The following INPP4B variants were observed in gnomAD, a reference collection of about 807,000 sequenced individuals.
The protein encoded by INPP4B is inositol polyphosphate-4-phosphatase type II B.
In INPP4B, 55 loss-of-function variants were observed where a neutral mutation model predicts 122.5. The observed-to-expected ratio is 0.45, with a 90% CI of 0.36 to 0.56. The LOEUF (loss-of-function observed/expected upper bound fraction) is 0.56, where lower values mean the gene tolerates loss of function less well. Among genes scored for constraint, INPP4B ranks in the 20% least tolerant of loss-of-function variants. The probability of loss-of-function intolerance (pLI) is 0.00; values close to 1 mark genes in which losing one functional copy is unlikely to be tolerated. For synonymous variants in INPP4B, 403 were observed against 388.7 expected (o/e 1.04, Z -0.43); for missense variants, 1,000 against 1,097.7 (o/e 0.91, Z 1.26).
intron 2 of INPP4B, among the ~76,000 whole-genome samples, chr4:142,635,938 A>G (rs2197216): frequency 0.52 from 79,730 of 152,120 alleles, 24,882 homozygotes; most frequent in East Asian, 0.79. Flanking sequence ...TATGCCAGAA[A>G]TAAAAATAAT....
At chr4:142,146,056 C>A in intron 17 of INPP4B, 60 bp from the exon 18 acceptor site, 2 of 1,550,878 alleles carry the variant, frequency 1.3e-6, no homozygotes, top group South Asian at 1.2e-5. Flanking sequence ...AAGGCAAAGT[C>A]GGATAAATCT....
At chr4:142,551,495 C>T (rs1236527302) in intron 2 of INPP4B, among the ~76,000 whole-genome samples, 9 of 152,182 alleles carry the variant, frequency 5.9e-5, no homozygotes, top group Admixed American at 5.9e-4. Context: ...CATTTTAAAA[C>T]AATGATTGCC....
chr4:142,342,641 A>C (rs1390134263), intron 7 of INPP4B, among the ~76,000 whole-genome samples: 1 of 152,178 alleles, frequency 6.6e-6, no homozygotes, highest in East Asian at 1.9e-4. Flanking sequence ...TTTCACAAGG[A>C]GTTAAATTAA....
At chr4:142,185,885 T>TAAAAAA (rs10632593) in intron 15 of INPP4B, among the ~76,000 whole-genome samples, 5,275 of 129,682 alleles carry the variant, frequency 0.041, 184 homozygotes, top group Middle Eastern at 0.12. Context: ...TCTCAAAACA[T>TAAAAAA]AAAAAAAAAA....
At chr4:142,578,793 C>T (rs1734396126) in intron 2 of INPP4B, among the ~76,000 whole-genome samples, 3 of 151,948 alleles carry the variant, frequency 2.0e-5, no homozygotes, top group East Asian at 3.9e-4. Flanking sequence ...TAATACAACA[C>T]GAATGAGCTT....
At chr4:142,550,026 T>G (rs1165119210) in intron 2 of INPP4B, among the ~76,000 whole-genome samples, 2 of 152,154 alleles carry the variant, frequency 1.3e-5, no homozygotes, top group African/African-American at 4.8e-5. Context: ...TTGGTGAATT[T>G]TCACTGTCAG....
intron 8 of INPP4B, among the ~76,000 whole-genome samples, chr4:142,312,788 G>A (rs1766031860): frequency 6.6e-6 from 1 of 152,194 alleles, no homozygotes; most frequent in South Asian, 2.1e-4. Context: ...ATGCTATGGA[G>A]AGAACCTGAC....
chr4:142,146,793 A>G (rs1811006807), intron 17 of INPP4B, among the ~76,000 whole-genome samples: 1 of 152,164 alleles, frequency 6.6e-6, no homozygotes, highest in South Asian at 2.1e-4. Context: ...ACCTCTACTT[A>G]ATATTATACA....
chr4:142,638,370 A>G (rs1749617957), intron 2 of INPP4B, among the ~76,000 whole-genome samples: 1 of 152,078 alleles, frequency 6.6e-6, no homozygotes, highest in Non-Finnish European at 1.5e-5. Context: ...ATTTTCATGA[A>G]CGGTATAAAA....
chr4:142,386,860 T>G (rs535643839), intron 7 of INPP4B, among the ~76,000 whole-genome samples: 2 of 152,156 alleles, frequency 1.3e-5, no homozygotes, highest in Non-Finnish European at 2.9e-5. Flanking sequence ...AGGTCCGAAG[T>G]AGACCTTCTA....
intron 1 of INPP4B, among the ~76,000 whole-genome samples, chr4:142,796,868 A>ATGTGTGTGTGTGTGTGTGTGTGTG (rs34860975): frequency 9.5e-6 from 1 of 105,294 alleles, no homozygotes; most frequent in African/African-American, 3.3e-5. Flanking sequence ...CGGAAAACAG[A>ATGTGTGTGTGTGTGTGTGTGTGTG]TGTGTGTGTG....
intron 14 of INPP4B, among the ~76,000 whole-genome samples, chr4:142,196,376 A>G (rs908492190): frequency 2.0e-5 from 3 of 152,128 alleles, no homozygotes; most frequent in African/African-American, 7.2e-5. Context: ...GTCAAAGCCT[A>G]TTAAGCTTAA....
chr4:142,082,606 A>C (rs911769886), intron 24 of INPP4B, among the ~76,000 whole-genome samples: 1 of 152,250 alleles, frequency 6.6e-6, no homozygotes, highest in Non-Finnish European at 1.5e-5. Flanking sequence ...CAATTGATTC[A>C]AATCGTATAT....
chr4:142,750,452 A>AT (rs934606689), intron 1 of INPP4B, among the ~76,000 whole-genome samples: 18 of 152,158 alleles, frequency 1.2e-4, no homozygotes, highest in East Asian at 3.9e-4. Flanking sequence ...GGAATGTATG[A>AT]TTTTTTTTAA....
intron 5 of INPP4B, among the ~76,000 whole-genome samples, chr4:142,418,449 A>C (rs1342824329): frequency 1.3e-5 from 2 of 152,146 alleles, no homozygotes; most frequent in Admixed American, 1.3e-4. Context: ...CAAGAAAATA[A>C]ATTCCCCATT....
intron 9 of INPP4B, among the ~76,000 whole-genome samples, chr4:142,305,018 G>A (rs1236335219): frequency 1.3e-5 from 2 of 152,016 alleles, no homozygotes; most frequent in East Asian, 1.9e-4. Flanking sequence ...TAATAGTATA[G>A]CACCAAAATA....
At chr4:142,703,936 T>C (rs1238168580) in intron 2 of INPP4B, among the ~76,000 whole-genome samples, 1 of 152,172 alleles carries the variant, frequency 6.6e-6, no homozygotes, top group Non-Finnish European at 1.5e-5. Context: ...AAGGAGATGG[T>C]GTATCCAAAA....
At chr4:142,129,306 T>C (rs1237614913) in intron 18 of INPP4B, among the ~76,000 whole-genome samples, 1 of 152,164 alleles carries the variant, frequency 6.6e-6, no homozygotes, top group East Asian at 1.9e-4. Flanking sequence ...GGGCTTGTTA[T>C]TTCCTGCTTA....
chr4:142,349,904 A>AAAG (rs1307510821), intron 7 of INPP4B, among the ~76,000 whole-genome samples: 2 of 151,578 alleles, frequency 1.3e-5, no homozygotes, highest in Non-Finnish European at 2.9e-5. Context: ...AAAAAAAAAA[A>AAAG]AATCCATCAT....
Sources: gnomAD v4.1 joint callset for allele counts (sites outside exome capture counted in the v4.1 genomes callset) on GRCh38, gnomAD v4.1.1 for gene constraint, MANE v1.5 for transcripts, NCBI Gene and HGNC (gene_info 2026-07-23, HGNC 2026-07-21) for gene names.